The following GPAM variants were observed in gnomAD, a reference collection of about 807,000 sequenced individuals.
GPAM encodes glycerol-3-phosphate acyltransferase 1, mitochondrial.
In GPAM, 56 loss-of-function variants were observed where a neutral mutation model predicts 105.0. The ratio of observed to expected loss-of-function variants is 0.53; its 90% CI spans 0.43 to 0.67. The LOEUF (loss-of-function observed/expected upper bound fraction) is 0.67. GPAM is among the 30% of genes least tolerant of loss of function. The pLI is 0.00. For missense variants in GPAM, 855 were observed against 989.8 expected (o/e 0.86, Z 1.83); for synonymous variants, 368 against 354.4 (o/e 1.04, Z -0.43).
At chr10:112,159,342 TC>T (rs1173545030) in intron 17 of GPAM, among the ~76,000 whole-genome samples, 1 of 147,312 alleles carries the variant, frequency 6.8e-6, no homozygotes, top group Admixed American at 6.9e-5. Context: ...TGCCTCAGCC[TC>T]CAAAGTAGCT....
At chr10:112,222,034 G>C in the GPAM span, among the ~76,000 whole-genome samples, 1 of 152,134 alleles carries the variant, frequency 6.6e-6, no homozygotes. Context: ...ATGATGTCTG[G>C]GGATTTGTTC....
At chr10:112,171,235 C>T (rs944327661) in intron 9 of GPAM, among the ~76,000 whole-genome samples, 1 of 152,124 alleles carries the variant, frequency 6.6e-6, no homozygotes, top group African/African-American at 2.4e-5. Context: ...GTGGTAAACA[C>T]CTGGGAATCT....
Position 112,150,077 on chromosome 10 carries a change from A to G in GPAM, c.*3473T>C. On this transcript the variant is annotated 3_prime_UTR_variant, in exon 22 of 22. Coordinates refer to ENST00000348367, the MANE Select transcript of GPAM (RefSeq NM_001244949.2). ...TTAATACCTTCCATCAAGACATTTC[A>G]GAGCTCTAGACGTTTAGAAATAAGG... The G allele has an allele frequency of 1.0e-6, 1 of 984,738 alleles. No individual in the cohort carries two copies. The highest frequency in any genetic ancestry group is 1.7e-5 in the African/African-American group (1 of 57,368). 61.0% of individuals were successfully genotyped at this position (984,738 alleles called of 1,614,324 possible).
chr10:112,167,079 A>ATTC (rs1847230959), intron 11 of GPAM, among the ~76,000 whole-genome samples: 1 of 152,162 alleles, frequency 6.6e-6, no homozygotes, highest in Non-Finnish European at 1.5e-5. Context: ...AGTCAGGATG[A>ATTC]GTAGGGTATA....
chr10:112,161,772 C>G (rs1047121305), intron 14 of GPAM, 35 bp from the exon 15 acceptor site: 1 of 1,558,986 alleles, frequency 6.4e-7, no homozygotes, highest in Non-Finnish European at 8.8e-7. Flanking sequence ...TTTAGTTGCA[C>G]TTTTTACAAA....
chr10:112,158,159 G>A (rs757301679), intron 18 of GPAM, among the ~76,000 whole-genome samples, 157 bp downstream of exon 18: 2 of 152,166 alleles, frequency 1.3e-5, no homozygotes, highest in Non-Finnish European at 2.9e-5. Flanking sequence ...TCGTACTCCT[G>A]ACCTCAGGTG....
chr10:112,188,629 G>A (rs1847621823), upstream of GPAM, among the ~76,000 whole-genome samples: 2 of 152,144 alleles, frequency 1.3e-5, no homozygotes, highest in Admixed American at 1.3e-4. Context: ...CACACACCCT[G>A]TGTTTGTGAA....
chr10:112,177,821 G>A (rs988742473), intron 5 of GPAM, among the ~76,000 whole-genome samples, 163 bp downstream of exon 5: 11 of 152,242 alleles, frequency 7.2e-5, no homozygotes, highest in African/African-American at 2.6e-4. Context: ...AGTTCTCTCT[G>A]TGGCTATACT....
rs959833424 is a variant in GPAM at position 112,150,644 on chromosome 10, T to G, written c.*2906A>C. On this transcript the variant is annotated 3_prime_UTR_variant, in exon 22 of 22. Coordinates refer to ENST00000348367, the MANE Select transcript of GPAM (RefSeq NM_001244949.2). Reference sequence around the variant, plus strand: ...AGTATCCCAAAGGAGAAAAAGGTCCTGGTGTCAAAATAGTTTGGGCAATGC... The same window carrying G: ...AGTATCCCAAAGGAGAAAAAGGTCCGGGTGTCAAAATAGTTTGGGCAATGC... 8 of 910,208 alleles carry G rather than the reference T, an allele frequency of 8.8e-6. No individual in the cohort carries two copies. Among genetic ancestry groups the G allele is most frequent in the African/African-American group, 7.2e-5 (4 of 55,818 alleles). 56.4% of individuals were successfully genotyped at this position (910,208 alleles called of 1,614,324 possible).
upstream of GPAM, among the ~76,000 whole-genome samples, chr10:112,187,241 A>G (rs1847606670): frequency 6.6e-6 from 1 of 152,176 alleles, no homozygotes; most frequent in African/African-American, 2.4e-5. Context: ...ATTTAAGCTC[A>G]TATAAGTAAT....
At chr10:112,182,702 T>C (rs987510991) in intron 2 of GPAM, 92 bp downstream of exon 2, 2 of 152,252 alleles carry the variant, frequency 1.3e-5, no homozygotes, top group African/African-American at 4.8e-5. Context: ...CTACAGTCAC[T>C]GTTATTCTCG....
chr10:112,214,257 A>C (rs537816894), intron 1 of GPAM: 1 of 152,248 alleles, frequency 6.6e-6, no homozygotes, highest in Admixed American at 6.5e-5. Flanking sequence ...TGCGGTTGGC[A>C]TGGTTATTTC....
At chr10:112,155,678 C>T (rs1847003858) in intron 20 of GPAM, 186 bp downstream of exon 20, 3 of 512,502 alleles carry the variant, frequency 5.9e-6, no homozygotes, top group Non-Finnish European at 1.0e-5. Flanking sequence ...GTGAAAAAAG[C>T]CAGATGTAAG....
intron 6 of GPAM, 27 bp downstream of exon 6, chr10:112,175,573 C>T: frequency 8.1e-7 from 1 of 1,227,598 alleles, no homozygotes; most frequent in Non-Finnish European, 1.2e-6. Flanking sequence ...TGCCTCTTCC[C>T]ACCTTTACAC....
intron 3 of GPAM, among the ~76,000 whole-genome samples, chr10:112,181,129 T>TCA (rs1847499587): frequency 6.6e-6 from 1 of 151,906 alleles, no homozygotes; most frequent in Non-Finnish European, 1.5e-5. Context: ...AATGCTTAAC[T>TCA]TTGAGCTCAG....
In GPAM at chr10:112,178,045, T is replaced by C; in HGVS notation, c.238A>G (p.Asn80Asp). 6.3e-7 allele frequency: 1 copy of C among 1,583,772 alleles called. No individual in the cohort carries two copies. Among genetic ancestry groups the C allele is most frequent in the South Asian group, 1.1e-5 (1 of 90,390 alleles). ...AAACCCAAAGACGGGATACTGGGGT[T>C]GAAAAATTTGTCCTATATAAAACAA... ...CTPQSWDKFF[N>D]PSIPSLGLRN... is the part of the protein sequence containing the mutation. The change falls in exon 5 of 22, where the codon AAC becomes GAC. Residue 80 changes from asparagine (N) to aspartate (D), a missense_variant. Asn to Asp is a conservative substitution (Grantham distance 23). Transcript: ENST00000348367.
chr10:112,166,374 A>G (rs751503155), intron 12 of GPAM, 28 bp downstream of exon 12: 21 of 1,220,088 alleles, frequency 1.7e-5, no homozygotes, highest in Non-Finnish European at 2.3e-5. Context: ...AGATGCTTCA[A>G]CATGGTTTCA....
chr10:112,219,564 T>C (rs1848000491), upstream of GPAM, among the ~76,000 whole-genome samples: 1 of 152,248 alleles, frequency 6.6e-6, no homozygotes, highest in South Asian at 2.1e-4. Flanking sequence ...CCAAAATCCA[T>C]AATTTTTCTA....
intron 5 of GPAM, 138 bp from the exon 6 acceptor site, chr10:112,175,851 TCTC>T (rs1459385995): frequency 3.0e-6 from 2 of 656,280 alleles, no homozygotes; most frequent in African/African-American, 1.8e-5. Flanking sequence ...TACAGCAAAT[TCTC>T]CTTAGTAGTT....
Sources: gnomAD v4.1 joint callset for allele counts (sites outside exome capture counted in the v4.1 genomes callset) on GRCh38, gnomAD v4.1.1 for gene constraint, MANE v1.5 for transcripts, NCBI Gene and HGNC (gene_info 2026-07-23, HGNC 2026-07-21) for gene names.